The following SPRY3 variants were observed in gnomAD, a reference collection of about 807,000 sequenced individuals.
SPRY3 encodes protein sprouty homolog 3.
A neutral mutation model predicts 20.2 loss-of-function variants in SPRY3; 15 were observed. The ratio of observed to expected loss-of-function variants is 0.74; its 90% CI spans 0.50 to 1.14. The LOEUF (loss-of-function observed/expected upper bound fraction) is 1.14, where lower values mean the gene tolerates loss of function less well. Ranked by LOEUF, SPRY3 falls within the 50% of genes most tolerant of loss-of-function variation. SPRY3 has a pLI of 0.00. For missense variants in SPRY3, 364 were observed against 363.9 expected, an observed-to-expected ratio of 1.00 and a Z score of 0.00; for synonymous variants, 143 against 136.5, an observed-to-expected ratio of 1.05 and a Z score of -0.33.
intron 1 of SPRY3, among the ~76,000 whole-genome samples, chrX:155,622,514 C>T (rs1269408103): frequency 9.0e-6 from 1 of 111,681 alleles, no homozygotes; most frequent in Admixed American, 9.5e-5. Flanking sequence ...CTATTGGAGC[C>T]ATGTCTGCTA....
At chrX:155,745,824 A>G (rs2036659040) in intron 2 of SPRY3, among the ~76,000 whole-genome samples, 1 of 152,066 alleles carries the variant, frequency 6.6e-6, no homozygotes, top group Non-Finnish European at 1.5e-5. Flanking sequence ...CAAACCTAGT[A>G]GTGATAAAAG....
chrX:155,626,888 G>C (rs966205199), intron 1 of SPRY3, among the ~76,000 whole-genome samples: 2 of 111,193 alleles, frequency 1.8e-5, no homozygotes, highest in Non-Finnish European at 3.8e-5. Flanking sequence ...AGGGAGCAGA[G>C]GTTTCAAATC....
At chrX:155,753,208 T>C (rs923321654) in intron 2 of SPRY3, among the ~76,000 whole-genome samples, 2 of 151,964 alleles carry the variant, frequency 1.3e-5, no homozygotes, top group Non-Finnish European at 2.9e-5. Flanking sequence ...CATAATGTTT[T>C]CATCAACCCA....
chrX:155,696,741 A>G (rs1261951316), intron 2 of SPRY3, among the ~76,000 whole-genome samples: 1 of 111,869 alleles, frequency 8.9e-6, no homozygotes, highest in Non-Finnish European at 1.9e-5. Flanking sequence ...CCCATAATTC[A>G]GTATGGACAA....
chrX:155,636,228 T>A (rs1405628438), intron 1 of SPRY3, among the ~76,000 whole-genome samples: 1 of 111,820 alleles, frequency 8.9e-6, no homozygotes, highest in African/African-American at 3.3e-5. Context: ...GCTGGAGTGA[T>A]TGATCCAGAT....
rs369184895 is a variant in SPRY3, at chrX:155,725,552, G to A, written c.-281-42410G>A. 1.1e-4 allele frequency among the ~76,000 whole-genome samples: 16 copies of A among 152,274 alleles called. 1 individual carries two copies. The East Asian group carries it at 1.7e-3, about 17-fold the overall frequency. On this transcript the variant is annotated intron_variant, in intron 2 of 3. Coordinates refer to ENST00000675360, the Ensembl canonical transcript of SPRY3. ...TTCTTCCTGATTTAGTCTTGGGAGGGTGTATGTGTCAAGGAATTTATCTAT... is the reference window on the plus strand; with the variant it reads ...TTCTTCCTGATTTAGTCTTGGGAGGATGTATGTGTCAAGGAATTTATCTAT...
At chrX:155,766,687 G>C (rs1437793217) in intron 2 of SPRY3, among the ~76,000 whole-genome samples, 1 of 152,148 alleles carries the variant, frequency 6.6e-6, no homozygotes, top group African/African-American at 2.4e-5. Context: ...GTGGACTGAG[G>C]GTAATTTACA....
intron 2 of SPRY3, among the ~76,000 whole-genome samples, chrX:155,766,218 C>G (rs749369567): frequency 6.6e-6 from 1 of 152,304 alleles, no homozygotes; most frequent in East Asian, 1.9e-4. Flanking sequence ...CACATACATA[C>G]ACACAGGAGC....
chrX:155,630,234 C>A (rs1362095555), intron 1 of SPRY3, among the ~76,000 whole-genome samples: 1 of 112,102 alleles, frequency 8.9e-6, no homozygotes, highest in African/African-American at 3.2e-5. Flanking sequence ...GTCCTTCAAT[C>A]GCCATACTAA....
At chrX:155,682,395 T>G (rs1460538251) in intron 2 of SPRY3, among the ~76,000 whole-genome samples, 1 of 112,957 alleles carries the variant, frequency 8.9e-6, no homozygotes, top group Non-Finnish European at 1.9e-5. Flanking sequence ...ACAAGAATAT[T>G]AATGTTGTTT....
At chrX:155,742,234 C>A (rs28891069) in intron 2 of SPRY3, among the ~76,000 whole-genome samples, 2,300 of 152,006 alleles carry the variant, frequency 0.015, 57 homozygotes, top group African/African-American at 0.053. Context: ...CAACAAAGAT[C>A]AAAAAAGACA....
At chrX:155,758,539 G>C (rs1265202035) in intron 2 of SPRY3, among the ~76,000 whole-genome samples, 1 of 152,278 alleles carries the variant, frequency 6.6e-6, no homozygotes, top group South Asian at 2.1e-4. Context: ...GCTGAATCAG[G>C]ATGTCCACAG....
At chrX:155,724,830 C>T (rs1602966131) in intron 2 of SPRY3, among the ~76,000 whole-genome samples, 1 of 152,250 alleles carries the variant, frequency 6.6e-6, no homozygotes, top group Admixed American at 6.5e-5. Context: ...TGCCTGATTG[C>T]CCTGGCCAGA....
chrX:155,628,775 C>G (rs1218028670), intron 1 of SPRY3, among the ~76,000 whole-genome samples: 1 of 111,797 alleles, frequency 8.9e-6, no homozygotes, highest in Non-Finnish European at 1.9e-5. Context: ...GCCAGGGTTT[C>G]CTTTTTTCCA....
chrX:155,764,891 CA>C (rs2091318540), intron 2 of SPRY3, among the ~76,000 whole-genome samples: 1 of 152,152 alleles, frequency 6.6e-6, no homozygotes, highest in African/African-American at 2.4e-5. Context: ...AACTTATAAA[CA>C]ACAGAAATGT....
intron 2 of SPRY3, chrX:155,669,953 TAAGAAC>T (rs1289885632): frequency 1.6e-4 from 18 of 111,167 alleles, no homozygotes; most frequent in African/African-American, 5.5e-4. Context: ...TGAATAAGAA[TAAGAAC>T]AACACCAAAA....
chrX:155,684,644 C>T (rs917554154), intron 2 of SPRY3, among the ~76,000 whole-genome samples: 43 of 111,550 alleles, frequency 3.9e-4, no homozygotes, highest in Non-Finnish European at 6.8e-4. Context: ...AATCATCAAA[C>T]GTGTTGTAAG....
intron 2 of SPRY3, among the ~76,000 whole-genome samples, chrX:155,736,758 T>C (rs1161335333): frequency 6.6e-6 from 1 of 152,100 alleles, no homozygotes; most frequent in Non-Finnish European, 1.5e-5. Context: ...TTTGGAATAT[T>C]CTCAGCCATT....
chrX:155,668,494 T>C (rs782744633), intron 2 of SPRY3, among the ~76,000 whole-genome samples: 10 of 110,990 alleles, frequency 9.0e-5, no homozygotes, highest in Non-Finnish European at 1.7e-4. Flanking sequence ...ATATAGGGGT[T>C]ACACAGGCTT....
Sources: gnomAD v4.1 joint callset for allele counts (sites outside exome capture counted in the v4.1 genomes callset) on GRCh38, gnomAD v4.1.1 for gene constraint, MANE v1.5 for transcripts, NCBI Gene and HGNC (gene_info 2026-07-23, HGNC 2026-07-21) for gene names.